The following INSL6 variants were observed in gnomAD, a reference collection of about 807,000 sequenced individuals.
INSL6 encodes insulin like 6.
INSL6 carries 16 observed loss-of-function variants against 9.4 expected under a neutral mutation model. That is an observed-to-expected ratio of 1.70 (90% CI 1.15 to 2.59). The LOEUF (loss-of-function observed/expected upper bound fraction) is 2.59. INSL6 is among the 30% of genes most tolerant of loss of function. The probability of loss-of-function intolerance (pLI) is 0.00; values close to 1 mark genes in which losing one functional copy is unlikely to be tolerated. For synonymous variants in INSL6, 154 were observed against 96.9 expected (o/e 1.59, Z -3.46); for missense variants, 391 against 257.3 (o/e 1.52, Z -3.56).
At chr9:5,062,740 C>T in the INSL6 span, among the ~76,000 whole-genome samples, 1 of 151,994 alleles carries the variant, frequency 6.6e-6, no homozygotes, top group Non-Finnish European at 1.5e-5. Flanking sequence ...TGGATGTTAT[C>T]AATCTTTTAA....
At chr9:5,173,248 C>T (rs938591587) in intron 1 of INSL6, among the ~76,000 whole-genome samples, 1 of 151,994 alleles carries the variant, frequency 6.6e-6, no homozygotes, top group African/African-American at 2.4e-5. Flanking sequence ...ACCATTTGAC[C>T]CAGCAATACC....
At chr9:4,997,445 T>C in the INSL6 span, among the ~76,000 whole-genome samples, 1 of 152,074 alleles carries the variant, frequency 6.6e-6, no homozygotes, top group South Asian at 2.1e-4. Context: ...CAAAAGAGAA[T>C]GTGGGGAAGG....
At chr9:5,080,672 T>G in the INSL6 span, 7 of 1,583,806 alleles carry the variant, frequency 4.4e-6, no homozygotes, top group East Asian at 1.6e-4. Flanking sequence ...CTTAACAGTT[T>G]GTTTACTCCA....
the INSL6 span, chr9:5,112,039 C>A: frequency 2.4e-6 from 1 of 408,520 alleles, no homozygotes. Context: ...GGTGCCTTAT[C>A]ACCCAGCTAC....
At chr9:5,053,773 T>G in the INSL6 span, among the ~76,000 whole-genome samples, 1 of 151,976 alleles carries the variant, frequency 6.6e-6, no homozygotes, top group Non-Finnish European at 1.5e-5. Context: ...CCTTTGTGCC[T>G]GTGGATTCTA....
chr9:5,159,534 C>CA (rs1824880329), downstream of INSL6, among the ~76,000 whole-genome samples: 1 of 151,758 alleles, frequency 6.6e-6, no homozygotes, highest in Admixed American at 6.6e-5. Flanking sequence ...GGTTTCAAGA[C>CA]AAAAACTATA....
intron 2 of INSL6, among the ~76,000 whole-genome samples, chr9:5,136,693 C>T (rs1347583341): frequency 2.0e-5 from 3 of 152,138 alleles, no homozygotes. Context: ...TGGAAGCATT[C>T]CCTTTGAAAA....
chr9:5,030,373 GT>G, the INSL6 span, among the ~76,000 whole-genome samples: 1 of 152,102 alleles, frequency 6.6e-6, no homozygotes, highest in Non-Finnish European at 1.5e-5. Flanking sequence ...ATGGTAATGT[GT>G]AATGCCTATT....
chr9:5,035,057 C>CA, the INSL6 span, among the ~76,000 whole-genome samples: 1 of 152,050 alleles, frequency 6.6e-6, no homozygotes, highest in Non-Finnish European at 1.5e-5. Context: ...GGGATATCAA[C>CA]CCGATCCCAC....
chr9:5,072,236 T>C, the INSL6 span, among the ~76,000 whole-genome samples: 1 of 152,134 alleles, frequency 6.6e-6, no homozygotes, highest in Admixed American at 6.5e-5. Context: ...GTGACAATTA[T>C]AGCCCATTCA....
the INSL6 span, chr9:5,091,059 G>C: frequency 1.7e-6 from 1 of 577,474 alleles, no homozygotes; most frequent in South Asian, 2.6e-5. Context: ...TTTTTTTTAG[G>C]TCTTATAGTC....
intron 1 of INSL6, among the ~76,000 whole-genome samples, chr9:5,180,275 T>C (rs1376539648): frequency 1.3e-5 from 2 of 152,172 alleles, no homozygotes; most frequent in Non-Finnish European, 1.5e-5. Flanking sequence ...ACTGTACAAA[T>C]TGATTGTAAA....
At chr9:5,179,996 C>G (rs886269786) in intron 1 of INSL6, among the ~76,000 whole-genome samples, 6 of 152,082 alleles carry the variant, frequency 3.9e-5, no homozygotes, top group African/African-American at 1.4e-4. Context: ...TACTCCTGAA[C>G]TTAGAAGGTG....
chr9:5,121,671 T>C (rs901783186), downstream of INSL6, among the ~76,000 whole-genome samples: 1 of 152,192 alleles, frequency 6.6e-6, no homozygotes, highest in Non-Finnish European at 1.5e-5. Flanking sequence ...AAGATTTACA[T>C]ACACTTCAAA....
At chr9:5,081,552 G>C in the INSL6 span, among the ~76,000 whole-genome samples, 1 of 152,284 alleles carries the variant, frequency 6.6e-6, no homozygotes, top group East Asian at 1.9e-4. Flanking sequence ...AGGCCTGTCA[G>C]ATTATGGGTA....
At chr9:5,116,879 G>GT in the INSL6 span, among the ~76,000 whole-genome samples, 7 of 152,200 alleles carry the variant, frequency 4.6e-5, no homozygotes, top group African/African-American at 1.2e-4. Flanking sequence ...TGCAATAAGT[G>GT]TAAGTGCAAT....
At chr9:5,146,343 A>T (rs1046782677) in intron 2 of INSL6, among the ~76,000 whole-genome samples, 2 of 152,148 alleles carry the variant, frequency 1.3e-5, no homozygotes, top group Non-Finnish European at 2.9e-5. Flanking sequence ...TGGCAGCTGC[A>T]TCGGAGTGCT....
intron 3 of INSL6, among the ~76,000 whole-genome samples, chr9:5,131,688 C>T (rs1824292571): frequency 6.6e-6 from 1 of 152,024 alleles, no homozygotes; most frequent in Non-Finnish European, 1.5e-5. Flanking sequence ...GATCCAACCG[C>T]CTCAACCTCC....
the INSL6 span, chr9:5,065,021 A>G: frequency 1.9e-6 from 3 of 1,596,996 alleles, no homozygotes; most frequent in Non-Finnish European, 2.6e-6. Context: ...TATACAAAGC[A>G]ACTGTCATGG....
Sources: gnomAD v4.1 joint callset for allele counts (sites outside exome capture counted in the v4.1 genomes callset) on GRCh38, gnomAD v4.1.1 for gene constraint, MANE v1.5 for transcripts, NCBI Gene and HGNC (gene_info 2026-07-23, HGNC 2026-07-21) for gene names.